The following NSD3 variants were observed in gnomAD, a reference collection of about 807,000 sequenced individuals.
NSD3 encodes histone-lysine N-methyltransferase NSD3.
NSD3 carries 24 observed loss-of-function variants against 160.8 expected under a neutral mutation model. That is an observed-to-expected ratio of 0.15 (90% CI 0.11 to 0.21). The LOEUF (loss-of-function observed/expected upper bound fraction) is 0.21, where lower values mean the gene tolerates loss of function less well. NSD3 is among the 10% of genes least tolerant of loss of function. The pLI, the probability that NSD3 is intolerant of heterozygous loss-of-function variation, is 1.00. For synonymous variants in NSD3, 520 were observed against 600.0 expected, an observed-to-expected ratio of 0.87 and a Z score of 1.95; for missense variants, 1,157 against 1,735.9, an observed-to-expected ratio of 0.67 and a Z score of 5.93.
rs970445721 is a variant in NSD3, at chr8:38,339,145, A to T, written c.676-538T>A. Among the ~76,000 whole-genome samples, 7 of 151,752 alleles carry T rather than the reference A, an allele frequency of 4.6e-5. No homozygotes were observed. In the East Asian group the frequency reaches 1.4e-3, roughly 29 times the overall value. On this transcript the variant is annotated intron_variant, in intron 2 of 23. Transcript: ENST00000317025. ...ACAGAGTGAGACTCTGTCTCAAAAAAAAAAAACAAAAAAAAAACCCACTTA... is the reference window on the plus strand; with the variant it reads ...ACAGAGTGAGACTCTGTCTCAAAAATAAAAAACAAAAAAAAAACCCACTTA...
chr8:38,333,860 C>A (rs999162377), intron 4 of NSD3, among the ~76,000 whole-genome samples: 20 of 151,328 alleles, frequency 1.3e-4, no homozygotes, highest in African/African-American at 4.4e-4. Context: ...GGCGACAGAG[C>A]GAGACTCCGT....
At chr8:38,345,799 C>T (rs1172809539) in intron 2 of NSD3, among the ~76,000 whole-genome samples, 2 of 151,546 alleles carry the variant, frequency 1.3e-5, no homozygotes, top group Non-Finnish European at 2.9e-5. Flanking sequence ...TCCCCAGCTA[C>T]TCGGGAGGCT....
At chr8:38,305,503 G>A in intron 12 of NSD3, 58 bp from the exon 13 acceptor site, 2 of 1,566,058 alleles carry the variant, frequency 1.3e-6, no homozygotes, top group Non-Finnish European at 1.7e-6. Flanking sequence ...TATTCAAGTA[G>A]AAGCAGCTAC....
At chr8:38,343,682 AAC>A (rs1810439382) in intron 2 of NSD3, among the ~76,000 whole-genome samples, 1 of 152,198 alleles carries the variant, frequency 6.6e-6, no homozygotes, top group African/African-American at 2.4e-5. Context: ...CACCCTGGGC[AAC>A]AGAGTGAGAT....
intron 15 of NSD3, among the ~76,000 whole-genome samples, chr8:38,296,188 T>C (rs1325645200): frequency 6.6e-6 from 1 of 152,204 alleles, no homozygotes; most frequent in Non-Finnish European, 1.5e-5. Context: ...AAAGCATCCA[T>C]GTACTCTTTA....
rs372344636 is a variant in NSD3 at position 38,290,041 on chromosome 8, C to A, written c.3118+434G>T. 1.4e-4 allele frequency among the ~76,000 whole-genome samples: 21 copies of A among 152,114 alleles called. 1 individual carries two copies. The South Asian group carries it at 4.1e-3, about 30-fold the overall frequency. ...GACCAGCCTGGGCAACATGGTGAAA[C>A]CCTATCTCTATAAAAAGTACAAAAA... On this transcript the variant is annotated intron_variant, in intron 17 of 23. Coordinates refer to ENST00000317025, the MANE Select transcript of NSD3 (RefSeq NM_023034.2).
chr8:38,343,037 C>T (rs1484958571), intron 2 of NSD3, among the ~76,000 whole-genome samples: 1 of 151,244 alleles, frequency 6.6e-6, no homozygotes, highest in East Asian at 2.0e-4. Flanking sequence ...ACTAAAAATA[C>T]ACAAAAAAAT....
chr8:38,319,642 GA>G lies in NSD3; in HGVS notation c.1810-703del, dbSNP rs1757247027. On this transcript the variant is annotated intron_variant, in intron 8 of 23. Coordinates refer to ENST00000317025, the MANE Select transcript of NSD3 (RefSeq NM_023034.2). This position sits in a 1 kb window ranked among gnomAD's most constrained non-coding sequence, Gnocchi z 4.1. ...ATTGAACCATTGGAATTAGAGAAAG[GA>G]GGCTGTTTGGAGGAGTTCCTGTTTA... 1 of 152,162 alleles carries G rather than the reference GA, an allele frequency of 6.6e-6. No individual in the cohort carries two copies. Among genetic ancestry groups the G allele is most frequent in the South Asian group, 2.1e-4 (1 of 4,828 alleles). The allele number at this position is 152,162 out of a possible 1,614,324, so 9.4% of individuals were successfully genotyped here.
At position 38,317,593 on chromosome 8, in the gene NSD3, A is replaced by G; in HGVS notation, c.1855+1302T>C. Reference sequence around the variant, plus strand: ...AAAATAAGAACTTTTAATGATTGTAATGTATACAGTTTGGGCTGTTTGGCA... The same window carrying G: ...AAAATAAGAACTTTTAATGATTGTAGTGTATACAGTTTGGGCTGTTTGGCA... On this transcript the variant is annotated intron_variant, in intron 9 of 23. Transcript: ENST00000317025. This position sits in a 1 kb window ranked among gnomAD's most constrained non-coding sequence, Gnocchi z 5.3. 1 of 1,087,712 alleles carries G rather than the reference A, an allele frequency of 9.2e-7. No homozygotes were observed. The highest frequency in any genetic ancestry group is 3.9e-5 in the South Asian group (1 of 25,572). 67.4% of individuals were successfully genotyped at this position (1,087,712 alleles called of 1,614,324 possible). A position where few individuals can be genotyped will look rare whatever the true frequency, so the allele number is the denominator to read the frequency against.
chr8:38,323,967 A>C (rs1809850427), intron 7 of NSD3, among the ~76,000 whole-genome samples: 1 of 152,180 alleles, frequency 6.6e-6, no homozygotes, highest in Non-Finnish European at 1.5e-5. Flanking sequence ...GCTGATTTCA[A>C]ATAAAGATCC....
intron 1 of NSD3, among the ~76,000 whole-genome samples, chr8:38,370,519 C>T (rs574711580): frequency 1.1e-4 from 17 of 151,812 alleles, no homozygotes; most frequent in African/African-American, 1.9e-4. Flanking sequence ...TAAAATGGGA[C>T]GTAGGAGCAT....
intron 8 of NSD3, chr8:38,320,209 G>T (rs1809764272): frequency 6.6e-6 from 1 of 152,046 alleles, no homozygotes; most frequent in Non-Finnish European, 1.5e-5. Flanking sequence ...TTTAAATTTG[G>T]AAGTTTAAAA....
chr8:38,378,132 CT>C (rs527242600), intron 1 of NSD3, among the ~76,000 whole-genome samples: 204 of 146,026 alleles, frequency 1.4e-3, no homozygotes, highest in South Asian at 4.5e-3. Context: ...ATGTGAATAA[CT>C]TTTTTTTTTT....
chr8:38,275,752 G>C lies in NSD3; in HGVS notation c.4203C>G (p.Gly1401=), dbSNP rs753393108. The change falls in exon 24 of 24, where the codon GGC becomes GGG. Residue 1401 remains glycine (G), a synonymous_variant. Transcript: ENST00000317025. ...KGALVPSALE[G]RLCCSEHDPM... ...GGTCATGTTCCGAGCAGCAGAGGCG[G>C]CCTTCCAGTGCAGAGGGAACCAGGG... The C allele has an allele frequency of 2.5e-6, 4 of 1,614,178 alleles. No homozygotes were observed. The highest frequency in any genetic ancestry group is 3.4e-6 in the Non-Finnish European group (4 of 1,180,034).
At chr8:38,362,761 G>A (rs557770418) in intron 1 of NSD3, among the ~76,000 whole-genome samples, 2 of 152,200 alleles carry the variant, frequency 1.3e-5, no homozygotes, top group South Asian at 2.1e-4. Context: ...ATTATGACAC[G>A]AAGCTCTGTC....
intron 4 of NSD3, among the ~76,000 whole-genome samples, chr8:38,335,330 T>C (rs2150377941): frequency 6.6e-6 from 1 of 152,332 alleles, no homozygotes; most frequent in South Asian, 2.1e-4. Flanking sequence ...ATACTTCCTT[T>C]GAAATACAGA....
chr8:38,315,192 T>C (rs1809628529), intron 11 of NSD3, among the ~76,000 whole-genome samples: 1 of 152,244 alleles, frequency 6.6e-6, no homozygotes, highest in African/African-American at 2.4e-5. Flanking sequence ...ATCTGCCATT[T>C]ACTTCCAATT....
chr8:38,282,504 C>G (rs983311761), intron 19 of NSD3, among the ~76,000 whole-genome samples: 11 of 152,276 alleles, frequency 7.2e-5, no homozygotes, highest in African/African-American at 2.6e-4. Flanking sequence ...AACACTGTCT[C>G]TACTAAGAAT....
At chr8:38,351,550 C>A (rs1810701316) in intron 1 of NSD3, among the ~76,000 whole-genome samples, 1 of 151,548 alleles carries the variant, frequency 6.6e-6, no homozygotes, top group Admixed American at 6.6e-5. Context: ...GTAATCCCAG[C>A]TACTTGGGAG....
Sources: gnomAD v4.1 joint callset for allele counts (sites outside exome capture counted in the v4.1 genomes callset) on GRCh38, gnomAD v4.1.1 for gene constraint, Gnocchi (gnomAD v3.1) non-coding constraint, MANE v1.5 for transcripts, NCBI Gene and HGNC (gene_info 2026-07-23, HGNC 2026-07-21) for gene names.